Variants in ADGRV1 observed in about 807,000 individuals in gnomAD.
The protein encoded by ADGRV1 is adhesion G protein-coupled receptor V1.
ADGRV1 carries 359 observed loss-of-function variants against 596.2 expected under a neutral mutation model. The observed-to-expected ratio is 0.60, with a 90% confidence interval of 0.55 to 0.66. ADGRV1 has a LOEUF of 0.66. Ranked by LOEUF, ADGRV1 falls within the 30% of genes least tolerant of loss-of-function variation. ADGRV1 has a pLI of 0.00. For synonymous variants in ADGRV1, 2,681 were observed against 2,679.2 expected (o/e 1.00, Z -0.02); for missense variants, 7,274 against 7,575.6 (o/e 0.96, Z 1.48).
intron 86 of ADGRV1, among the ~76,000 whole-genome samples, chr5:91,074,245 G>A (rs1349974686): frequency 6.6e-6 from 1 of 152,002 alleles, no homozygotes; most frequent in African/African-American, 2.4e-5. Flanking sequence ...CACCTCATGG[G>A]GGTTTGGTGT....
chr5:90,593,058 G>T (rs1252566162), intron 1 of ADGRV1, among the ~76,000 whole-genome samples: 1 of 152,182 alleles, frequency 6.6e-6, no homozygotes, highest in Non-Finnish European at 1.5e-5. Flanking sequence ...CAAGGACCTA[G>T]AACTAGAAAT....
chr5:90,706,267 T>C lies in ADGRV1; in HGVS notation c.8603T>C (p.Met2868Thr), dbSNP rs754230545. The part of the protein sequence containing the change: ...INVTYTTVPG[M>T]LSLKNQTVGN... ...GTCACATATACCACGGTTCCTGGAATGCTGAGTCTGAAGAACCAAACAGTA... is the reference window on the plus strand; with the variant it reads ...GTCACATATACCACGGTTCCTGGAACGCTGAGTCTGAAGAACCAAACAGTA... Residue 2868 changes from methionine (M) to threonine (T), a missense_variant, in exon 38 of 90, where the codon ATG becomes ACG. Physicochemically the swap from Met to Thr is moderately conservative, Grantham distance 81. Coordinates refer to ENST00000405460, the MANE Select transcript of ADGRV1 (RefSeq NM_032119.4). The C allele has an allele frequency of 6.2e-6, 10 of 1,613,356 alleles. 1 individual carries two copies. The South Asian group carries it at 1.1e-4, about 18-fold the overall frequency.
intron 85 of ADGRV1, among the ~76,000 whole-genome samples, chr5:91,014,595 A>G (rs1783025448): frequency 6.8e-6 from 1 of 146,730 alleles, no homozygotes; most frequent in Non-Finnish European, 1.5e-5. Flanking sequence ...TGTTCAGGGA[A>G]TTTATTTCAT....
chr5:91,022,213 G>T (rs1197781265), intron 85 of ADGRV1, among the ~76,000 whole-genome samples: 2 of 152,056 alleles, frequency 1.3e-5, no homozygotes, highest in Non-Finnish European at 2.9e-5. Context: ...GGATTCGATT[G>T]TAGCAGATTC....
At chr5:91,144,626 C>T (rs551316943) in intron 87 of ADGRV1, among the ~76,000 whole-genome samples, 1 of 152,240 alleles carries the variant, frequency 6.6e-6, no homozygotes, top group African/African-American at 2.4e-5. Flanking sequence ...CTTTTGAAAG[C>T]ATTTTTTATG....
At chr5:90,675,979 A>G in intron 24 of ADGRV1, 101 bp from the exon 25 acceptor site, 3 of 871,144 alleles carry the variant, frequency 3.4e-6, no homozygotes, top group South Asian at 4.3e-5. Context: ...AATTTGGGAT[A>G]TAACAAACAT....
chr5:91,013,037 C>A (rs1481492308), intron 85 of ADGRV1, among the ~76,000 whole-genome samples: 1 of 151,980 alleles, frequency 6.6e-6, no homozygotes, highest in African/African-American at 2.4e-5. Context: ...ATCCTTGTTC[C>A]CACAAGAAAA....
Position 90,643,817 on chromosome 5 carries a change from C to T in ADGRV1, c.2568C>T (p.Tyr856=). The change falls in exon 14 of 90, where the codon TAC becomes TAT. Residue 856 remains tyrosine (Y), a synonymous_variant. Coordinates refer to ENST00000405460, the MANE Select transcript of ADGRV1 (RefSeq NM_032119.4). The part of the protein sequence containing the change: ...LDGIPELDEH[Y]WVVLSSHGER... ...ATTCACTTTAGTTGGATGAACACTA[C>T]TGGGTGGTCCTCAGCAGCCACGGAG... 9 of 1,607,348 alleles carry T rather than the reference C, an allele frequency of 5.6e-6. No homozygotes were observed. Among genetic ancestry groups the T allele is most frequent in the Non-Finnish European group, 7.7e-6 (9 of 1,176,350 alleles).
intron 48 of ADGRV1, among the ~76,000 whole-genome samples, chr5:90,727,207 C>G (rs902281266): frequency 1.3e-5 from 2 of 152,120 alleles, no homozygotes; most frequent in Non-Finnish European, 2.9e-5. Context: ...CCTACCTTAG[C>G]CTCCCGGGTG....
At chr5:90,958,261 G>A (rs540128250) in intron 83 of ADGRV1, among the ~76,000 whole-genome samples, 26 of 136,798 alleles carry the variant, frequency 1.9e-4, no homozygotes, top group East Asian at 1.7e-3. Flanking sequence ...TCTGTCCTGG[G>A]TGACAGAGCC....
intron 89 of ADGRV1, among the ~76,000 whole-genome samples, chr5:91,159,852 G>A (rs2126954348): frequency 6.6e-6 from 1 of 152,326 alleles, no homozygotes; most frequent in East Asian, 1.9e-4. Context: ...CTCAGGATGA[G>A]GGTAGGATGG....
rs1484257921 is a variant in ADGRV1, at chr5:90,810,232, G to A, written c.14973-1G>A. 1 of 1,543,774 alleles carries A rather than the reference G, an allele frequency of 6.5e-7. No homozygotes were observed. The highest frequency in any genetic ancestry group is 8.7e-7 in the Non-Finnish European group (1 of 1,144,940). On this transcript the variant is annotated splice_acceptor_variant, in intron 73 of 89. Coordinates refer to ENST00000405460, the MANE Select transcript of ADGRV1 (RefSeq NM_032119.4). LOFTEE classifies it high-confidence loss of function. ...TCTTCATGATTTAATTTTTTTCCCA[G>A]ATCAGGTTTCATTGTTGCTGAAATT...
At chr5:90,917,620 A>G (rs1306574262) in intron 83 of ADGRV1, among the ~76,000 whole-genome samples, 2 of 152,220 alleles carry the variant, frequency 1.3e-5, no homozygotes, top group Non-Finnish European at 2.9e-5. Context: ...AGTTTCCTGT[A>G]TAATTGAGAG....
At chr5:91,015,328 A>G (rs1037055408) in intron 85 of ADGRV1, among the ~76,000 whole-genome samples, 4 of 152,208 alleles carry the variant, frequency 2.6e-5, no homozygotes, top group Admixed American at 2.6e-4. Flanking sequence ...AGTATGTGCC[A>G]TGTGGCGATG....
chr5:90,991,761 A>G (rs940689656), intron 85 of ADGRV1, among the ~76,000 whole-genome samples: 6 of 152,264 alleles, frequency 3.9e-5, no homozygotes, highest in Non-Finnish European at 1.5e-5. Context: ...TTATTAATAT[A>G]GAGGACAAAT....
intron 89 of ADGRV1, among the ~76,000 whole-genome samples, chr5:91,154,545 C>T (rs938389553): frequency 4.6e-5 from 7 of 152,202 alleles, no homozygotes; most frequent in African/African-American, 4.8e-5. Context: ...TGCTCTCAGC[C>T]GCTGTGGCAC....
At chr5:91,045,538 T>A (rs1170771858) in intron 85 of ADGRV1, among the ~76,000 whole-genome samples, 1 of 152,096 alleles carries the variant, frequency 6.6e-6, no homozygotes, top group Non-Finnish European at 1.5e-5. Context: ...GGGACATACC[T>A]CAAGGTAATA....
In ADGRV1 at chr5:90,627,445, A is replaced by C; in HGVS notation, c.907A>C (p.Ile303Leu). The C allele has an allele frequency of 4.3e-6, 7 of 1,613,984 alleles. No homozygotes were observed. The highest frequency in any genetic ancestry group is 5.9e-6 in the Non-Finnish European group (7 of 1,179,856). ...LIGSDEYEVS[I>L]SYAVTTGNST... ...TGGATCTGATGAATATGAGGTTTCAATCAGTTATGCTGTCACAACTGGGAA... is the reference window on the plus strand; with the variant it reads ...TGGATCTGATGAATATGAGGTTTCACTCAGTTATGCTGTCACAACTGGGAA... The change falls in exon 7 of 90, where the codon ATC becomes CTC. Residue 303 changes from isoleucine (I) to leucine (L), a missense_variant. By Grantham distance (5) the Ile-to-Leu change is conservative. Around this residue, in one of 5 missense-constraint regions of ADGRV1, gnomAD observed 1,715 missense variants for 1,708.8 expected, o/e 1.00. Coordinates refer to ENST00000405460, the MANE Select transcript of ADGRV1 (RefSeq NM_032119.4).
At chr5:90,591,572 A>C (rs1759515063) in intron 1 of ADGRV1, among the ~76,000 whole-genome samples, 2 of 152,284 alleles carry the variant, frequency 1.3e-5, no homozygotes, top group South Asian at 4.1e-4. Flanking sequence ...AAATAACTAG[A>C]GATTTGCTAA....
Sources: allele counts gnomAD v4.1 joint callset (sites outside exome capture counted in the v4.1 genomes callset), GRCh38; gene constraint gnomAD v4.1.1; regional missense constraint gnomAD v4.1.1; transcripts MANE v1.5; gene names NCBI Gene and HGNC (gene_info 2026-07-23, HGNC 2026-07-21).